The following GPSM1 variants were observed in gnomAD, a reference collection of about 807,000 sequenced individuals.
GPSM1 encodes the protein G protein signaling modulator 1, also known as G protein-signaling modulator 1.
A neutral mutation model predicts 70.5 loss-of-function variants in GPSM1; 48 were observed. That is an observed-to-expected ratio of 0.68 (90% CI 0.54 to 0.87). GPSM1 has a LOEUF of 0.87. GPSM1 is among the 40% of genes least tolerant of loss of function. The pLI is 0.00. For synonymous variants in GPSM1, 416 were observed against 430.1 expected (o/e 0.97, Z 0.41); for missense variants, 981 against 972.6 (o/e 1.01, Z -0.11).
intron 11 of GPSM1, among the ~76,000 whole-genome samples, chr9:136,352,699 C>T (rs1336875618): frequency 2.0e-5 from 3 of 152,352 alleles, no homozygotes; most frequent in Admixed American, 6.5e-5. Context: ...CGCCTGCCTC[C>T]GTAGTCAGGC....
intron 11 of GPSM1, 95 bp from the exon 12 acceptor site, chr9:136,355,595 C>T (rs1193897864): frequency 3.3e-6 from 4 of 1,213,522 alleles, no homozygotes; most frequent in Non-Finnish European, 4.7e-6. Flanking sequence ...TGGCCAGGGT[C>T]TCAGAAGTGT....
chr9:136,333,916 T>TG (rs71384074), intron 1 of GPSM1, among the ~76,000 whole-genome samples: 1 of 150,904 alleles, frequency 6.6e-6, no homozygotes, highest in Non-Finnish European at 1.5e-5. Context: ...AGCTTGGGGG[T>TG]GGGGGAGGAG....
At chr9:136,335,390 C>T (rs1243744710) in intron 2 of GPSM1, among the ~76,000 whole-genome samples, 9 of 152,178 alleles carry the variant, frequency 5.9e-5, no homozygotes, top group Middle Eastern at 3.2e-3. Flanking sequence ...GCCCCCAGGC[C>T]GTGCCTCACG....
chr9:136,329,797 C>T (rs1441286763), intron 1 of GPSM1, among the ~76,000 whole-genome samples: 7 of 150,106 alleles, frequency 4.7e-5, no homozygotes, highest in Non-Finnish European at 7.4e-5. Context: ...GGTGCTGGGT[C>T]GGTGGGGACG....
chr9:136,337,110 C>G (rs1554769390), intron 4 of GPSM1, 38 bp downstream of exon 4: 3 of 1,517,820 alleles, frequency 2.0e-6, no homozygotes, highest in East Asian at 4.9e-5. Context: ...CCGGGGCTGG[C>G]CTGTGCGTTT....
At chr9:136,332,070 A>C (rs1832113153) in intron 1 of GPSM1, 1 of 398,460 alleles carries the variant, frequency 2.5e-6, no homozygotes, top group African/African-American at 2.1e-5. Flanking sequence ...GGCCGTGTGC[A>C]AGGTGGTGTA....
Position 136,341,669 on chromosome 9 carries a change from G to T in GPSM1, c.1207+676G>T. ...ACCCATGTGTCCCCCACTCCCAAAG[G>T]TCTTGAGTTTGCCAGCCCCCGAGAA... is the stretch of plus-strand genomic sequence containing the variant. On this transcript the variant is annotated intron_variant, in intron 9 of 13. Transcript: ENST00000440944. The surrounding 1 kb of genome is among the most constrained non-coding windows in gnomAD (Gnocchi z 6.7). 1.0e-6 allele frequency: 1 copy of T among 995,128 alleles called. No homozygotes were observed. Among genetic ancestry groups the T allele is most frequent in the Non-Finnish European group, 1.2e-6 (1 of 835,304 alleles). 61.6% of individuals were successfully genotyped at this position (995,128 alleles called of 1,614,324 possible).
chr9:136,351,035 A>C (rs1249604092), intron 11 of GPSM1, among the ~76,000 whole-genome samples: 19 of 152,046 alleles, frequency 1.2e-4, no homozygotes, highest in Admixed American at 1.2e-3. Flanking sequence ...GTCAGCCTGG[A>C]GCTCCCCCGA....
At position 136,337,436 on chromosome 9, in the gene GPSM1, C is replaced by G; in HGVS notation, c.579-5C>G. 1 of 1,569,204 alleles carries G rather than the reference C, an allele frequency of 6.4e-7. No individual in the cohort carries two copies. Among genetic ancestry groups the G allele is most frequent in the Non-Finnish European group, 8.6e-7 (1 of 1,157,338 alleles). ...GGACACGGCTCAGAGGCACTCGGCC[C>G]CCAGGAGGAACCTGTCCCTGGTGAA... On this transcript the variant is annotated splice_region_variant and splice_polypyrimidine_tract_variant and intron_variant, in intron 4 of 13. Coordinates refer to ENST00000440944, the MANE Select transcript of GPSM1 (RefSeq NM_001145638.3).
In GPSM1 at chr9:136,343,027, A is replaced by G. The variant is rs1220044374; in HGVS notation, c.1207+2034A>G. Among the ~76,000 whole-genome samples, 2 of 152,084 alleles carry G rather than the reference A, an allele frequency of 1.3e-5. No homozygotes were observed. Among genetic ancestry groups the G allele is most frequent in the Non-Finnish European group, 2.9e-5 (2 of 68,018 alleles). On this transcript the variant is annotated intron_variant, in intron 9 of 13. Coordinates refer to ENST00000440944, the MANE Select transcript of GPSM1 (RefSeq NM_001145638.3). The surrounding 1 kb of genome is among the most constrained non-coding windows in gnomAD (Gnocchi z 6.0). ...AGACTTACGTGCGGCTGGAGGACAA[A>G]GAGCCTTGGCGCGGCTCAGTCAGCG...
At chr9:136,328,099 T>C (rs1351730239) in intron 1 of GPSM1, among the ~76,000 whole-genome samples, 2 of 152,056 alleles carry the variant, frequency 1.3e-5, no homozygotes, top group African/African-American at 2.4e-5. Flanking sequence ...CCCGGGGCAC[T>C]CAGGGGCATC....
In GPSM1 at chr9:136,343,297, G is replaced by T. The variant is rs1183077153; in HGVS notation, c.1207+2304G>T. Among the ~76,000 whole-genome samples, 2 of 152,030 alleles carry T rather than the reference G, an allele frequency of 1.3e-5. No individual in the cohort carries two copies. Among genetic ancestry groups the T allele is most frequent in the African/African-American group, 4.8e-5 (2 of 41,404 alleles). On this transcript the variant is annotated intron_variant, in intron 9 of 13. Coordinates refer to ENST00000440944, the MANE Select transcript of GPSM1 (RefSeq NM_001145638.3). The surrounding 1 kb of genome is among the most constrained non-coding windows in gnomAD (Gnocchi z 6.0). The stretch of plus-strand genomic sequence containing the variant: ...AGCAAGGGTGCCAGGCAGGACGGAG[G>T]CTCTGCTGCCACTCTTGGTGCGGGC...
chr9:136,332,523 G>A (rs969731021), intron 1 of GPSM1, among the ~76,000 whole-genome samples: 1 of 152,208 alleles, frequency 6.6e-6, no homozygotes, highest in Non-Finnish European at 1.5e-5. Flanking sequence ...CCTCTCCTCC[G>A]ATGTTGCCTG....
chr9:136,356,238 T>C, intron 12 of GPSM1, 104 bp from the exon 13 acceptor site: 1 of 873,286 alleles, frequency 1.1e-6, no homozygotes, highest in Non-Finnish European at 1.7e-6. Flanking sequence ...AGCAGCACAG[T>C]GGGCTGGGCT....
At position 136,349,726 on chromosome 9, in the gene GPSM1, T is replaced by G. The variant is rs782638439; in HGVS notation, c.1418T>G (p.Leu473Arg). Residue 473 changes from leucine to arginine, a missense_variant, in exon 11 of 14, where the codon CTG becomes CGG. Coordinates refer to ENST00000440944, the MANE Select transcript of GPSM1 (RefSeq NM_001145638.3). ...CCCCGGGAGGGCAGCCACTCCCCGC[T>G]GGACAGCGCCGACGTCCGGGTGCAC... ...RRPREGSHSP[L>R]DSADVRVHVP... is the part of the protein sequence containing the mutation. 6.3e-7 allele frequency: 1 copy of G among 1,578,848 alleles called. No individual in the cohort carries two copies. The highest frequency in any genetic ancestry group is 8.6e-7 in the Non-Finnish European group (1 of 1,163,680).
chr9:136,347,222 G>A (rs1326677164), intron 9 of GPSM1, among the ~76,000 whole-genome samples: 1 of 152,184 alleles, frequency 6.6e-6, no homozygotes, highest in Non-Finnish European at 1.5e-5. Context: ...TGAGCTCCGA[G>A]GCGTAGTAAT....
intron 1 of GPSM1, among the ~76,000 whole-genome samples, chr9:136,331,771 C>T (rs188071990): frequency 6.6e-6 from 1 of 152,230 alleles, no homozygotes; most frequent in African/African-American, 2.4e-5. Context: ...GGGCTCCCCG[C>T]CCCGCTGCTG....
At position 136,358,900 on chromosome 9, in the gene GPSM1, A is replaced by T. The variant is rs1039857503; in HGVS notation, c.*680A>T. On this transcript the variant is annotated 3_prime_UTR_variant, in exon 14 of 14. Coordinates refer to ENST00000440944, the MANE Select transcript of GPSM1 (RefSeq NM_001145638.3). ...AAGCAGAGGGAATGGCTGGGCATGA[A>T]CTTCGACATTCCAAAACCCCAAGCC... 1 of 152,446 alleles carries T rather than the reference A, an allele frequency of 6.6e-6. No individual in the cohort carries two copies. The highest frequency in any genetic ancestry group is 2.4e-5 in the African/African-American group (1 of 41,462). 9.4% of individuals were successfully genotyped at this position (152,446 alleles called of 1,614,324 possible). A position where few individuals can be genotyped will look rare whatever the true frequency, so the allele number is the denominator to read the frequency against.
intron 13 of GPSM1, among the ~76,000 whole-genome samples, chr9:136,356,927 A>G (rs1292307390): frequency 6.6e-6 from 1 of 152,176 alleles, no homozygotes; most frequent in Non-Finnish European, 1.5e-5. Flanking sequence ...CGGGCCAGAT[A>G]GCACCCCCAG....
Sources: allele counts gnomAD v4.1 joint callset (sites outside exome capture counted in the v4.1 genomes callset), GRCh38; gene constraint gnomAD v4.1.1; non-coding constraint Gnocchi (gnomAD v3.1); transcripts MANE v1.5; gene names NCBI Gene and HGNC (gene_info 2026-07-23, HGNC 2026-07-21).